Variants in SORCS1 observed in about 807,000 individuals in gnomAD.
SORCS1 encodes sortilin related VPS10 domain containing receptor 1.
A neutral mutation model predicts 146.1 loss-of-function variants in SORCS1; 60 were observed. The observed-to-expected ratio is 0.41, with a 90% CI of 0.33 to 0.51. SORCS1 has a LOEUF of 0.51. Ranked by LOEUF, SORCS1 falls within the 20% of genes least tolerant of loss-of-function variation. The pLI is 0.21. For synonymous variants in SORCS1, 637 were observed against 584.0 expected, an observed-to-expected ratio of 1.09 and a Z score of -1.31; for missense variants, 1,352 against 1,487.6, an observed-to-expected ratio of 0.91 and a Z score of 1.50.
At chr10:106,911,888 G>A (rs570667441) in intron 2 of SORCS1, among the ~76,000 whole-genome samples, 9 of 152,198 alleles carry the variant, frequency 5.9e-5, no homozygotes, top group Admixed American at 2.0e-4. Context: ...TGAGGTGGGT[G>A]GATCACGAGG....
intron 18 of SORCS1, among the ~76,000 whole-genome samples, chr10:106,649,970 G>A (rs1849740986): frequency 6.6e-6 from 1 of 151,896 alleles, no homozygotes; most frequent in Admixed American, 6.6e-5. Flanking sequence ...CCACTCTGGG[G>A]TTCAATTTTC....
At chr10:106,577,658 T>A in intron 25 of SORCS1, 103 bp from the exon 26 acceptor site, 1 of 1,536,564 alleles carries the variant, frequency 6.5e-7, no homozygotes, top group Non-Finnish European at 8.7e-7. Context: ...GAAGGAGGAA[T>A]TACTACTTTA....
At chr10:107,142,333 C>T (rs1967917974) in intron 1 of SORCS1, among the ~76,000 whole-genome samples, 1 of 152,288 alleles carries the variant, frequency 6.6e-6, no homozygotes, top group South Asian at 2.1e-4. Context: ...ACAGAGAACC[C>T]GCGCTGCAAG....
intron 10 of SORCS1, among the ~76,000 whole-genome samples, chr10:106,682,839 C>T (rs1852542389): frequency 1.3e-5 from 2 of 152,166 alleles, no homozygotes; most frequent in Admixed American, 1.3e-4. Flanking sequence ...CTGACCTTTC[C>T]ACATTAAGAA....
chr10:106,638,703 G>A (rs1031005314), intron 18 of SORCS1, among the ~76,000 whole-genome samples: 2 of 152,186 alleles, frequency 1.3e-5, no homozygotes, highest in African/African-American at 4.8e-5. Context: ...TGCCCTGGAA[G>A]TCACTTCATC....
chr10:106,766,988 G>C (rs1564947713), intron 4 of SORCS1, among the ~76,000 whole-genome samples: 2 of 152,128 alleles, frequency 1.3e-5, no homozygotes. Context: ...ACATTTCTTT[G>C]GTCAATAGCA....
Position 106,709,250 on chromosome 10 carries a change from A to C in SORCS1, c.1116T>G (p.Ile372Met). 6.2e-7 allele frequency: 1 copy of C among 1,613,608 alleles called. No individual in the cohort carries two copies. Among genetic ancestry groups the C allele is most frequent in the East Asian group, 2.2e-5 (1 of 44,844 alleles). Residue 372 changes from isoleucine to methionine, a missense_variant, in exon 7 of 26, where the codon ATT becomes ATG. Ile to Met is a conservative substitution (Grantham distance 10). Transcript: ENST00000263054. ...GAACAAACACATAATGATCCTGAACAATCAAAGAGTCTGGGTCAATGTAGC... is the reference window on the plus strand; with the variant it reads ...GAACAAACACATAATGATCCTGAACCATCAAAGAGTCTGGGTCAATGTAGC... Reference protein sequence around the residue: ...FPGYIDPDSLIVQDHYVFVQL... With the variant: ...FPGYIDPDSLMVQDHYVFVQL...
At chr10:106,820,541 T>C (rs539818400) in intron 3 of SORCS1, among the ~76,000 whole-genome samples, 1 of 152,308 alleles carries the variant, frequency 6.6e-6, no homozygotes, top group East Asian at 1.9e-4. Flanking sequence ...AGGCTGGTGG[T>C]GCACTCTTAA....
chr10:106,849,442 C>A (rs1355704773), intron 2 of SORCS1, among the ~76,000 whole-genome samples: 5 of 145,826 alleles, frequency 3.4e-5, no homozygotes, highest in Non-Finnish European at 7.6e-5. Flanking sequence ...TCCATCAGCT[C>A]CTTTAAGCAC....
At chr10:107,086,310 G>A (rs914542446) in intron 1 of SORCS1, among the ~76,000 whole-genome samples, 3 of 152,206 alleles carry the variant, frequency 2.0e-5, no homozygotes, top group African/African-American at 7.2e-5. Flanking sequence ...TGCATTTTAT[G>A]ACACAGGTGG....
intron 8 of SORCS1, among the ~76,000 whole-genome samples, chr10:106,704,023 G>A (rs1473486813): frequency 6.6e-6 from 1 of 152,160 alleles, no homozygotes; most frequent in African/African-American, 2.4e-5. Context: ...TGGGTTCAAA[G>A]TAAAACTTTT....
At chr10:106,719,318 A>G (rs1855614441) in intron 6 of SORCS1, among the ~76,000 whole-genome samples, 1 of 152,036 alleles carries the variant, frequency 6.6e-6, no homozygotes, top group African/African-American at 2.4e-5. Flanking sequence ...AGGTGTGCAC[A>G]TTTACTTAGA....
chr10:106,950,334 C>A (rs1954611822), intron 2 of SORCS1, among the ~76,000 whole-genome samples: 1 of 152,226 alleles, frequency 6.6e-6, no homozygotes. Flanking sequence ...AGCCCTAGGA[C>A]ATCACTATAA....
chr10:107,110,977 G>A (rs1283883265), intron 1 of SORCS1, among the ~76,000 whole-genome samples: 2 of 152,116 alleles, frequency 1.3e-5, no homozygotes, highest in Non-Finnish European at 2.9e-5. Flanking sequence ...CCTGCCAACT[G>A]TGGGTCCCCT....
At chr10:106,745,184 C>A (rs544982862) in intron 5 of SORCS1, among the ~76,000 whole-genome samples, 1 of 151,742 alleles carries the variant, frequency 6.6e-6, no homozygotes, top group East Asian at 1.9e-4. Flanking sequence ...TTTGGGAGGC[C>A]GGGCAGACCA....
At position 106,574,509 on chromosome 10, in the gene SORCS1, C is replaced by T. The variant is rs1255426769; in HGVS notation, c.*2911G>A. The T allele has an allele frequency of 6.6e-6, 1 of 152,524 alleles. No individual in the cohort carries two copies. The highest frequency in any genetic ancestry group is 2.4e-5 in the African/African-American group (1 of 41,396). 9.4% of individuals were successfully genotyped at this position (152,524 alleles called of 1,614,324 possible). A position where few individuals can be genotyped will look rare whatever the true frequency, so the allele number is the denominator to read the frequency against. On this transcript the variant is annotated 3_prime_UTR_variant, in exon 26 of 26. Coordinates refer to ENST00000263054, the MANE Select transcript of SORCS1 (RefSeq NM_052918.5). ...CTGTTTGAGATTCAGCTGGAATGGC[C>T]TAGTACAATGGTTCTCAAACTTTAG...
intron 2 of SORCS1, among the ~76,000 whole-genome samples, chr10:106,862,149 T>C (rs1245119007): frequency 2.0e-5 from 3 of 152,148 alleles, no homozygotes; most frequent in African/African-American, 7.2e-5. Context: ...TCAGGGAGTT[T>C]TAGGGAACTG....
chr10:107,153,396 A>T (rs1340474194), intron 1 of SORCS1, among the ~76,000 whole-genome samples: 17 of 152,258 alleles, frequency 1.1e-4, no homozygotes, highest in Admixed American at 1.1e-3. Flanking sequence ...TATGATATGC[A>T]GATGGAGACC....
chr10:107,069,397 C>T (rs117433390), intron 1 of SORCS1, among the ~76,000 whole-genome samples: 4,452 of 151,408 alleles, frequency 0.029, 92 homozygotes, highest in Middle Eastern at 0.058. Flanking sequence ...TTTTTTTAGA[C>T]GGAGTTTCAC....
Sources: allele counts gnomAD v4.1 joint callset (sites outside exome capture counted in the v4.1 genomes callset), GRCh38; gene constraint gnomAD v4.1.1; transcripts MANE v1.5; gene names NCBI Gene and HGNC (gene_info 2026-07-23, HGNC 2026-07-21).